The following SAMD12 variants were observed in gnomAD, a reference collection of about 807,000 sequenced individuals.
SAMD12 encodes sterile alpha motif domain-containing protein 12.
A neutral mutation model predicts 15.0 loss-of-function variants in SAMD12; 9 were observed. The observed-to-expected ratio is 0.60, with a 90% confidence interval of 0.36 to 1.05. SAMD12 has a LOEUF of 1.05. Ranked by LOEUF, SAMD12 falls within the 50% of genes least tolerant of loss-of-function variation. The pLI is 0.01. For missense variants in SAMD12, 230 were observed against 234.2 expected (o/e 0.98, Z 0.12); for synonymous variants, 86 against 90.1 (o/e 0.96, Z 0.25).
At chr8:118,218,656 C>T (rs1812017471) in intron 4 of SAMD12, among the ~76,000 whole-genome samples, 2 of 152,202 alleles carry the variant, frequency 1.3e-5, no homozygotes, top group South Asian at 4.1e-4. Context: ...TTTCACTTAG[C>T]ATAACATACT....
intron 4 of SAMD12, among the ~76,000 whole-genome samples, chr8:118,312,434 C>T (rs1333236087): frequency 6.6e-6 from 1 of 152,198 alleles, no homozygotes; most frequent in Non-Finnish European, 1.5e-5. Context: ...TCCCTCCAGA[C>T]CCAGATCATG....
intron 2 of SAMD12, among the ~76,000 whole-genome samples, chr8:118,526,064 A>T (rs925524665): frequency 6.6e-6 from 1 of 152,212 alleles, no homozygotes; most frequent in Admixed American, 6.5e-5. Context: ...TTTGTCCTAA[A>T]GCTGGCAAAA....
the SAMD12 span, among the ~76,000 whole-genome samples, chr8:118,151,176 C>T: frequency 6.6e-6 from 1 of 151,820 alleles, no homozygotes; most frequent in East Asian, 1.9e-4. Flanking sequence ...TTGTATGAGT[C>T]TTTTTTTTCT....
At chr8:118,391,473 T>C (rs189302375) in intron 3 of SAMD12, among the ~76,000 whole-genome samples, 130 of 152,292 alleles carry the variant, frequency 8.5e-4, no homozygotes, top group African/African-American at 2.9e-3. Flanking sequence ...GCATTAAGTG[T>C]CTATTAACAA....
chr8:118,344,106 G>T (rs1817508884), intron 4 of SAMD12, among the ~76,000 whole-genome samples: 1 of 152,184 alleles, frequency 6.6e-6, no homozygotes, highest in Non-Finnish European at 1.5e-5. Context: ...TCCAAACATG[G>T]ATGTGGAAAT....
chr8:118,248,755 A>G (rs28370856), intron 4 of SAMD12, among the ~76,000 whole-genome samples: 2 of 152,198 alleles, frequency 1.3e-5, no homozygotes, highest in South Asian at 4.2e-4. Context: ...TTATAAAAGC[A>G]CTCTTTCAAC....
In SAMD12 at chr8:118,269,220, CTGTGTGTGTGTGTGTGTGTGTGTG is replaced by C. The variant is rs71515963; in HGVS notation, c.434-71512_434-71489del. Among the ~76,000 whole-genome samples the C allele has an allele frequency of 2.4e-5, 3 of 123,042 alleles. No individual in the cohort carries two copies. In the South Asian group the frequency reaches 9.2e-4, roughly 38 times the overall value. 80.7% of individuals were successfully genotyped at this position (123,042 alleles called of 152,430 possible). A position where few individuals can be genotyped will look rare whatever the true frequency, so the allele number is the denominator to read the frequency against. ...TCTCTCTCTCTCTCTCTCTCTCTCT[CTGTGTGTGTGTGTGTGTGTGTGTG>C]TGTGTGTGTGTGTGTGTAAGCAGGA... On this transcript the variant is annotated intron_variant, in intron 4 of 4. Transcript: ENST00000409003.
At chr8:118,148,818 A>G in the SAMD12 span, among the ~76,000 whole-genome samples, 30 of 152,314 alleles carry the variant, frequency 2.0e-4, no homozygotes, top group Non-Finnish European at 4.3e-4. Context: ...TTCACTTAGC[A>G]TAATGTTTTT....
At chr8:118,246,947 C>A (rs1282377298) in intron 4 of SAMD12, among the ~76,000 whole-genome samples, 2 of 151,952 alleles carry the variant, frequency 1.3e-5, no homozygotes, top group African/African-American at 4.8e-5. Flanking sequence ...GGCAACGTGA[C>A]TGAAGAGGAG....
intron 2 of SAMD12, among the ~76,000 whole-genome samples, chr8:118,573,213 T>C (rs776628262): frequency 1.3e-5 from 2 of 152,106 alleles, no homozygotes; most frequent in African/African-American, 2.4e-5. Context: ...GCTTCCTGAG[T>C]AGCTGGGACT....
intron 4 of SAMD12, among the ~76,000 whole-genome samples, chr8:118,368,518 CA>C (rs1563801475): frequency 6.6e-6 from 1 of 152,060 alleles, no homozygotes; most frequent in Non-Finnish European, 1.5e-5. Context: ...GAGCCCTTGC[CA>C]TTGTCTTTAC....
intron 4 of SAMD12, among the ~76,000 whole-genome samples, chr8:118,322,291 C>G (rs181516530): frequency 5.8e-4 from 88 of 152,362 alleles, no homozygotes; most frequent in Non-Finnish European, 9.8e-4. Context: ...CTGTAGTGGG[C>G]TCCATAGTGA....
the SAMD12 span, among the ~76,000 whole-genome samples, chr8:118,140,932 A>G: frequency 1.3e-5 from 2 of 152,224 alleles, no homozygotes; most frequent in Non-Finnish European, 2.9e-5. Flanking sequence ...GGCCTGCATC[A>G]GGTTTTACAT....
intron 4 of SAMD12, among the ~76,000 whole-genome samples, chr8:118,301,070 C>T (rs1814997554): frequency 6.6e-6 from 1 of 152,004 alleles, no homozygotes; most frequent in African/African-American, 2.4e-5. Context: ...CAAAACAAGC[C>T]AGAGTAGAAA....
At chr8:118,577,650 G>A (rs1827186352) in intron 2 of SAMD12, among the ~76,000 whole-genome samples, 1 of 152,156 alleles carries the variant, frequency 6.6e-6, no homozygotes, top group African/African-American at 2.4e-5. Context: ...CAAACAGAGA[G>A]AATGTCAAAT....
At chr8:118,148,568 G>C in the SAMD12 span, among the ~76,000 whole-genome samples, 1 of 152,086 alleles carries the variant, frequency 6.6e-6, no homozygotes, top group Non-Finnish European at 1.5e-5. Context: ...CCCAATTGAA[G>C]TGTATAATTT....
At chr8:118,370,866 G>A (rs1192514469) in intron 4 of SAMD12, among the ~76,000 whole-genome samples, 2 of 152,094 alleles carry the variant, frequency 1.3e-5, no homozygotes, top group Non-Finnish European at 2.9e-5. Flanking sequence ...GGGTTGATAG[G>A]TGCAGCAAAC....
intron 4 of SAMD12, among the ~76,000 whole-genome samples, chr8:118,370,176 GA>G (rs1189550075): frequency 6.6e-6 from 1 of 151,614 alleles, no homozygotes; most frequent in Non-Finnish European, 1.5e-5. Context: ...CAAAAAACAT[GA>G]AAAAAAAGCT....
chr8:118,516,372 C>T (rs749897590), intron 2 of SAMD12, among the ~76,000 whole-genome samples: 17 of 152,124 alleles, frequency 1.1e-4, no homozygotes, highest in Non-Finnish European at 2.1e-4. Context: ...TTTTGTATAA[C>T]TTTTTTGGAC....
Sources: gnomAD v4.1 joint callset for allele counts (sites outside exome capture counted in the v4.1 genomes callset) on GRCh38, gnomAD v4.1.1 for gene constraint, MANE v1.5 for transcripts, NCBI Gene and HGNC (gene_info 2026-07-23, HGNC 2026-07-21) for gene names.